The following ASXL3 variants were observed in gnomAD, a reference collection of about 807,000 sequenced individuals.
ASXL3 encodes ASXL transcriptional regulator 3.
In ASXL3, 34 loss-of-function variants were observed where a neutral mutation model predicts 170.6. That is an observed-to-expected ratio of 0.20 (90% confidence interval 0.15 to 0.27). The LOEUF (loss-of-function observed/expected upper bound fraction) is 0.27. Among genes scored for constraint, ASXL3 ranks in the 10% least tolerant of loss-of-function variants. The pLI, the probability that ASXL3 is intolerant of heterozygous loss-of-function variation, is 1.00. For synonymous variants in ASXL3, 1,002 were observed against 989.1 expected (o/e 1.01, Z -0.24); for missense variants, 2,592 against 2,695.3 (o/e 0.96, Z 0.85).
chr18:33,714,276 T>A (rs2067128427), intron 8 of ASXL3, among the ~76,000 whole-genome samples: 1 of 152,202 alleles, frequency 6.6e-6, no homozygotes, highest in South Asian at 2.1e-4. Flanking sequence ...AATGTCTCTC[T>A]GTTACATTTC....
At chr18:33,710,725 C>G (rs1041614872) in intron 8 of ASXL3, among the ~76,000 whole-genome samples, 1 of 151,666 alleles carries the variant, frequency 6.6e-6, no homozygotes, top group Non-Finnish European at 1.5e-5. Flanking sequence ...GAAGGTTAAC[C>G]GTTTTCACTT....
At chr18:33,717,052 GATTA>G (rs776376401) in intron 8 of ASXL3, among the ~76,000 whole-genome samples, 5 of 152,148 alleles carry the variant, frequency 3.3e-5, no homozygotes, top group South Asian at 4.1e-4. Flanking sequence ...TCAAGGAGGT[GATTA>G]ATTAATTAAG....
At chr18:33,674,526 C>G (rs111538666) in intron 7 of ASXL3, among the ~76,000 whole-genome samples, 64 of 152,090 alleles carry the variant, frequency 4.2e-4, no homozygotes, top group African/African-American at 1.3e-3. Flanking sequence ...GTAGTACTTT[C>G]AAAGTTTCCA....
At chr18:33,670,396 G>C (rs1244296736) in intron 5 of ASXL3, among the ~76,000 whole-genome samples, 1 of 152,220 alleles carries the variant, frequency 6.6e-6, no homozygotes, top group East Asian at 1.9e-4. Context: ...TCAAGCCACA[G>C]TGCTAAGGTA....
At chr18:33,582,706 CTGTGTGTGTGTGTG>C (rs34434614) in intron 1 of ASXL3, among the ~76,000 whole-genome samples, 11 of 136,030 alleles carry the variant, frequency 8.1e-5, no homozygotes, top group Non-Finnish European at 1.4e-4. Flanking sequence ...TGGTTTTTTT[CTGTGTGTGTGTGTG>C]TGTGTGTGTG....
chr18:33,711,433 T>C (rs991335294), intron 8 of ASXL3, among the ~76,000 whole-genome samples: 8 of 152,212 alleles, frequency 5.3e-5, no homozygotes, highest in African/African-American at 1.9e-4. Flanking sequence ...TTACAACATA[T>C]ATATTAACTG....
At chr18:33,590,023 G>C (rs2065063822) in intron 1 of ASXL3, among the ~76,000 whole-genome samples, 1 of 151,240 alleles carries the variant, frequency 6.6e-6, no homozygotes, top group African/African-American at 2.4e-5. Flanking sequence ...AAGGAAAAAG[G>C]CTCACATAAC....
At chr18:33,594,752 A>T (rs183097337) in intron 1 of ASXL3, among the ~76,000 whole-genome samples, 4 of 152,146 alleles carry the variant, frequency 2.6e-5, no homozygotes, top group Admixed American at 2.6e-4. Flanking sequence ...TAATTTATAT[A>T]TATATAAATG....
chr18:33,744,854 A>C lies in ASXL3; in HGVS notation c.5006A>C (p.Lys1669Thr). Residue 1669 changes from lysine (K) to threonine (T), a missense_variant, in exon 12 of 12, where the codon AAA (lysine) becomes ACA (threonine). Coordinates refer to ENST00000269197, the MANE Select transcript of ASXL3 (RefSeq NM_030632.3). ...NLVTNVALPV[K>T]SELHEADKGF... is the part of the protein sequence containing the mutation. ...GTAACAAATGTTGCTCTTCCTGTGA[A>C]ATCTGAACTTCACGAAGCAGACAAG... 11 of 1,614,030 alleles carry C rather than the reference A, an allele frequency of 6.8e-6. No individual in the cohort carries two copies. The highest frequency in any genetic ancestry group is 9.3e-6 in the Non-Finnish European group (11 of 1,179,900).
chr18:33,661,991 C>T lies in ASXL3; in HGVS notation c.477+254C>T, dbSNP rs72961945. 0.046 allele frequency among the ~76,000 whole-genome samples: 6,919 copies of T among 151,940 alleles called. 202 individuals carry two copies. The highest frequency in any genetic ancestry group is 0.082 in the South Asian group (397 of 4,814). ...GAAAATATGTAAAAATTTGTATTAA[C>T]ATTTTGTGTGTCTATTTATGATTTA... is the stretch of plus-strand genomic sequence containing the variant. On this transcript the variant is annotated intron_variant, in intron 5 of 11. Transcript: ENST00000269197.
At chr18:33,672,462 C>A (rs117044956) in intron 7 of ASXL3, among the ~76,000 whole-genome samples, 4 of 152,092 alleles carry the variant, frequency 2.6e-5, no homozygotes, top group African/African-American at 9.7e-5. Context: ...CAGGAACCCC[C>A]AACAGCATTC....
At chr18:33,598,812 C>A (rs2065154822) in intron 1 of ASXL3, among the ~76,000 whole-genome samples, 1 of 152,136 alleles carries the variant, frequency 6.6e-6, no homozygotes, top group African/African-American at 2.4e-5. Flanking sequence ...TGGGGATAAT[C>A]ATGGAGAACA....
At chr18:33,626,104 GAAAA>G (rs201012473) in intron 2 of ASXL3, among the ~76,000 whole-genome samples, 3 of 148,802 alleles carry the variant, frequency 2.0e-5, no homozygotes, top group African/African-American at 7.4e-5. Flanking sequence ...AGGACTCAAT[GAAAA>G]AAAAACAGTG....
rs690544 is a variant in ASXL3 at position 33,747,312 on chromosome 18, C to A, written c.*717C>A. 1 of 151,250 alleles carries A rather than the reference C, an allele frequency of 6.6e-6. No individual in the cohort carries two copies. The highest frequency in any genetic ancestry group is 2.4e-5 in the African/African-American group (1 of 41,090). The allele number at this position is 151,250 out of a possible 1,614,324, so 9.4% of individuals were successfully genotyped here. A position where few individuals can be genotyped will look rare whatever the true frequency, so the allele number is the denominator to read the frequency against. ...GGGACTCATGCCCAGCAATCTGGTTCTAGGCCTTTGACACCTGATAATATG... is the reference window on the plus strand; with the variant it reads ...GGGACTCATGCCCAGCAATCTGGTTATAGGCCTTTGACACCTGATAATATG... On this transcript the variant is annotated 3_prime_UTR_variant, in exon 12 of 12. Coordinates refer to ENST00000269197, the MANE Select transcript of ASXL3 (RefSeq NM_030632.3).
chr18:33,735,316 A>T (rs2067525639), intron 10 of ASXL3, among the ~76,000 whole-genome samples: 1 of 152,162 alleles, frequency 6.6e-6, no homozygotes, highest in Non-Finnish European at 1.5e-5. Context: ...GAAATTAGAT[A>T]ATTAACAGAC....
chr18:33,617,099 A>G (rs1178199179), intron 2 of ASXL3, among the ~76,000 whole-genome samples: 3 of 152,176 alleles, frequency 2.0e-5, no homozygotes, highest in African/African-American at 4.8e-5. Flanking sequence ...TTATAACAAT[A>G]TGCTTAACAC....
intron 8 of ASXL3, among the ~76,000 whole-genome samples, chr18:33,687,314 A>G (rs946602853): frequency 6.6e-6 from 1 of 152,210 alleles, no homozygotes; most frequent in Non-Finnish European, 1.5e-5. Context: ...CAAATGTCCA[A>G]ATGAAGATGA....
chr18:33,743,695 A>G lies in ASXL3; in HGVS notation c.3847A>G (p.Lys1283Glu). The G allele has an allele frequency of 6.2e-7, 1 of 1,613,902 alleles. No homozygotes were observed. Among genetic ancestry groups the G allele is most frequent in the Non-Finnish European group, 8.5e-7 (1 of 1,179,898 alleles). Residue 1283 changes from lysine to glutamate, a missense_variant, in exon 12 of 12, where the codon AAA becomes GAA. Around this residue, in one of 4 missense-constraint regions of ASXL3, gnomAD observed 2,246 missense variants for 2,219.6 expected, o/e 1.01. Coordinates refer to ENST00000269197, the MANE Select transcript of ASXL3 (RefSeq NM_030632.3). Reference protein sequence around the residue: ...TISACNISMLKTIQGTDTPCI... With the variant: ...TISACNISMLETIQGTDTPCI... The stretch of plus-strand genomic sequence containing the variant: ...TTCTGCTTGTAATATAAGCATGTTA[A>G]AAACCATCCAGGGAACTGACACTCC...
chr18:33,647,803 T>C (rs2187015), intron 4 of ASXL3, among the ~76,000 whole-genome samples: 89,620 of 151,872 alleles, frequency 0.59, 26,916 homozygotes, highest in East Asian at 0.89. Flanking sequence ...AAAATAAATA[T>C]CTAAAATGTA....
Sources: gnomAD v4.1 joint callset for allele counts (sites outside exome capture counted in the v4.1 genomes callset) on GRCh38, gnomAD v4.1.1 for gene constraint, gnomAD v4.1.1 regional missense constraint, MANE v1.5 for transcripts, NCBI Gene and HGNC (gene_info 2026-07-23, HGNC 2026-07-21) for gene names.